Variants in CADM1 observed in about 807,000 individuals in gnomAD.
CADM1 encodes the protein cell adhesion molecule 1, also known as TSLC-1.
In CADM1, 15 loss-of-function variants were observed where a neutral mutation model predicts 53.1. The ratio of observed to expected loss-of-function variants is 0.28; its 90% CI spans 0.19 to 0.44. The LOEUF (loss-of-function observed/expected upper bound fraction) is 0.44, where lower values mean the gene tolerates loss of function less well. Ranked by LOEUF, CADM1 falls within the 20% of genes least tolerant of loss-of-function variation. The probability of loss-of-function intolerance (pLI) is 1.00; values close to 1 mark genes in which losing one functional copy is unlikely to be tolerated. For synonymous variants in CADM1, 281 were observed against 243.0 expected, an observed-to-expected ratio of 1.16 and a Z score of -1.45; for missense variants, 434 against 611.3, an observed-to-expected ratio of 0.71 and a Z score of 3.06.
At chr11:115,361,900 G>GTT (rs1253824855) in intron 1 of CADM1, among the ~76,000 whole-genome samples, 2 of 150,934 alleles carry the variant, frequency 1.3e-5, no homozygotes, top group East Asian at 3.9e-4. Flanking sequence ...TTTTTGTTTT[G>GTT]TTTTGTTTTG....
At chr11:115,295,961 T>A (rs1160774896) in intron 1 of CADM1, among the ~76,000 whole-genome samples, 1 of 152,184 alleles carries the variant, frequency 6.6e-6, no homozygotes, top group Non-Finnish European at 1.5e-5. Context: ...TTCTTATATA[T>A]TTTTTAAGAA....
At chr11:115,498,112 T>C (rs1949660474) in intron 1 of CADM1, among the ~76,000 whole-genome samples, 5 of 152,062 alleles carry the variant, frequency 3.3e-5, no homozygotes, top group South Asian at 4.1e-4. Context: ...ACATTTTAAA[T>C]CAATGGAGCA....
chr11:115,340,658 A>ATATATATATTTTTTTTTTTTTTTTT (rs60532835), intron 1 of CADM1, among the ~76,000 whole-genome samples: 1 of 34,938 alleles, frequency 2.9e-5, no homozygotes, highest in African/African-American at 1.4e-4. Flanking sequence ...ATATATATAT[A>ATATATATATTTTTTTTTTTTTTTTT]TTTTTTTTTT....
At chr11:115,222,150 A>G (rs181351107) in intron 5 of CADM1, among the ~76,000 whole-genome samples, 1 of 152,318 alleles carries the variant, frequency 6.6e-6, no homozygotes, top group East Asian at 1.9e-4. Flanking sequence ...CAAGGGCAGC[A>G]TGAGCACAGA....
chr11:115,203,115 G>T (rs1940513007), intron 8 of CADM1, among the ~76,000 whole-genome samples: 1 of 151,966 alleles, frequency 6.6e-6, no homozygotes, highest in African/African-American at 2.4e-5. Flanking sequence ...TGAAGAGATT[G>T]TGTGCTACAG....
At chr11:115,323,471 T>A (rs933214998) in intron 1 of CADM1, among the ~76,000 whole-genome samples, 1 of 151,906 alleles carries the variant, frequency 6.6e-6, no homozygotes, top group African/African-American at 2.4e-5. Context: ...AGTAGATGGG[T>A]GAAATTTCAC....
At chr11:115,183,405 C>T (rs1359645634) in intron 10 of CADM1, among the ~76,000 whole-genome samples, 3 of 152,166 alleles carry the variant, frequency 2.0e-5, no homozygotes, top group African/African-American at 7.2e-5. Context: ...TGTGATAAGC[C>T]TAGAAGGCTC....
chr11:115,338,293 A>C (rs1945320714), intron 1 of CADM1, among the ~76,000 whole-genome samples: 1 of 152,208 alleles, frequency 6.6e-6, no homozygotes, highest in Non-Finnish European at 1.5e-5. Context: ...AAGAAAATTA[A>C]GTCGCAAAAA....
chr11:115,282,862 C>A (rs760078522), intron 1 of CADM1, among the ~76,000 whole-genome samples: 2 of 151,984 alleles, frequency 1.3e-5, no homozygotes, highest in African/African-American at 2.4e-5. Flanking sequence ...AAAATGGAAA[C>A]GAAAGCTAAG....
intron 1 of CADM1, among the ~76,000 whole-genome samples, chr11:115,276,331 C>T (rs1008622120): frequency 6.6e-6 from 1 of 152,096 alleles, no homozygotes; most frequent in Non-Finnish European, 1.5e-5. Flanking sequence ...ACAATAGGCA[C>T]CATCAGGATT....
At chr11:115,474,046 G>C (rs1379828790) in intron 1 of CADM1, among the ~76,000 whole-genome samples, 1 of 151,958 alleles carries the variant, frequency 6.6e-6, no homozygotes, top group Non-Finnish European at 1.5e-5. Context: ...CTGTAATCCA[G>C]CACTTTGCGA....
intron 1 of CADM1, among the ~76,000 whole-genome samples, chr11:115,302,655 T>C (rs1944259876): frequency 6.6e-6 from 1 of 152,118 alleles, no homozygotes; most frequent in Non-Finnish European, 1.5e-5. Context: ...ATGTTCATTA[T>C]TGATATAGTT....
chr11:115,294,240 T>C (rs1285452622), intron 1 of CADM1, among the ~76,000 whole-genome samples: 1 of 152,174 alleles, frequency 6.6e-6, no homozygotes, highest in South Asian at 2.1e-4. Flanking sequence ...TCTCAAGTCA[T>C]GCATTTGCCA....
intron 1 of CADM1, among the ~76,000 whole-genome samples, chr11:115,471,618 AC>A (rs1949012394): frequency 6.6e-6 from 1 of 152,052 alleles, no homozygotes; most frequent in Non-Finnish European, 1.5e-5. Context: ...TCTAGGCTCC[AC>A]CCCCAGAGTT....
chr11:115,261,602 C>T (rs563392061), intron 1 of CADM1, among the ~76,000 whole-genome samples: 3 of 152,084 alleles, frequency 2.0e-5, no homozygotes, highest in Admixed American at 6.5e-5. Context: ...CTTATGTGTC[C>T]GTCATATAGG....
chr11:115,306,821 A>G (rs1038988350), intron 1 of CADM1, among the ~76,000 whole-genome samples: 2 of 152,036 alleles, frequency 1.3e-5, no homozygotes, highest in African/African-American at 4.8e-5. Flanking sequence ...AGACATGTCA[A>G]TGTCCAAACA....
At chr11:115,435,016 A>C (rs1429450560) in intron 1 of CADM1, among the ~76,000 whole-genome samples, 2 of 151,870 alleles carry the variant, frequency 1.3e-5, no homozygotes, top group African/African-American at 4.8e-5. Flanking sequence ...GTGTACCACC[A>C]TGCCCAGCTA....
chr11:115,290,502 T>C (rs1194683208), intron 1 of CADM1, among the ~76,000 whole-genome samples: 3 of 152,188 alleles, frequency 2.0e-5, no homozygotes, highest in African/African-American at 7.2e-5. Flanking sequence ...AATTAAAACC[T>C]GTACACAGGA....
At position 115,504,335 on chromosome 11, in the gene CADM1, CGCCGCCGCCGCCGCT is replaced by C. The variant is rs1479296996; in HGVS notation, c.45_59del (p.Ala16_Ala20del). 31 of 1,546,800 alleles carry C rather than the reference CGCCGCCGCCGCCGCT, an allele frequency of 2.0e-5. No homozygotes were observed. Among genetic ancestry groups the C allele is most frequent in the East Asian group, 4.9e-5 (2 of 40,888 alleles). The stretch of plus-strand genomic sequence containing the variant: ...GAAGCCGGAGCCGGAGCCCGGGAGG[CGCCGCCGCCGCCGCT>C]GCCGCCGCACACTGGGATCCGCTCG... On this transcript the variant is annotated inframe_deletion, in exon 1 of 12. Transcript: ENST00000331581.
Sources: gnomAD v4.1 joint callset for allele counts (sites outside exome capture counted in the v4.1 genomes callset) on GRCh38, gnomAD v4.1.1 for gene constraint, MANE v1.5 for transcripts, NCBI Gene and HGNC (gene_info 2026-07-23, HGNC 2026-07-21) for gene names.